KCNQ4: variants seen among roughly 807,000 people sequenced by gnomAD.
KCNQ4 encodes the protein potassium voltage-gated channel subfamily Q member 4.
A neutral mutation model predicts 72.6 loss-of-function variants in KCNQ4; 31 were observed. The ratio of observed to expected loss-of-function variants is 0.43; its 90% confidence interval spans 0.32 to 0.58. The LOEUF is 0.58. Ranked by LOEUF, KCNQ4 falls within the 20% of genes least tolerant of loss-of-function variation. KCNQ4 has a pLI of 0.08. For synonymous variants in KCNQ4, 405 were observed against 403.7 expected (o/e 1.00, Z -0.04); for missense variants, 869 against 962.6 (o/e 0.90, Z 1.29).
chr1:40,784,913 C>T lies in KCNQ4; in HGVS notation c.314+506C>T, dbSNP rs1647187552. Among the ~76,000 whole-genome samples the T allele has an allele frequency of 6.6e-6, 1 of 152,250 alleles. No homozygotes were observed. The highest frequency in any genetic ancestry group is 2.4e-5 in the African/African-American group (1 of 41,470). On this transcript the variant is annotated intron_variant, in intron 1 of 13. Transcript: ENST00000347132. The surrounding 1 kb of genome is among the most constrained non-coding windows in gnomAD (Gnocchi z 4.1). The stretch of plus-strand genomic sequence containing the variant: ...GGCGGCCCTCATTCCTACCCCTGCC[C>T]AGCTGACTGTGGGTGTGTGGGGGTC...
chr1:40,797,130 G>A (rs1406409480), intron 1 of KCNQ4, among the ~76,000 whole-genome samples: 2 of 152,234 alleles, frequency 1.3e-5, no homozygotes, highest in Non-Finnish European at 1.5e-5. Flanking sequence ...ACCTTCCTCT[G>A]CTCCCTGGGG....
At chr1:40,806,628 T>A (rs887081917) in intron 1 of KCNQ4, among the ~76,000 whole-genome samples, 1 of 152,136 alleles carries the variant, frequency 6.6e-6, no homozygotes, top group African/African-American at 2.4e-5. Flanking sequence ...CTGGCTTCTG[T>A]ACTATTACAT....
In KCNQ4 at chr1:40,799,338, T is replaced by C. The variant is rs542289137; in HGVS notation, c.314+14931T>C. ...TGGGGCAAAGTTGAGGGAAGATGAT[T>C]GGGGTGCAGAGCAGGAGTGTTTGGG... On this transcript the variant is annotated intron_variant, in intron 1 of 13. Transcript: ENST00000347132. Among the ~76,000 whole-genome samples, 38 of 152,246 alleles carry C rather than the reference T, an allele frequency of 2.5e-4. No individual in the cohort carries two copies. In the South Asian group the frequency reaches 7.0e-3, roughly 28 times the overall value.
rs570626561 is a variant in KCNQ4, at chr1:40,838,292, A to G, written c.1876-19A>G. 4.6e-5 allele frequency: 74 copies of G among 1,606,574 alleles called. 1 individual carries two copies. The highest frequency in any genetic ancestry group is 1.3e-4 in the South Asian group (12 of 90,908). On this transcript the variant is annotated intron_variant, in intron 13 of 13. Transcript: ENST00000347132. ...CCTCCGGTCCCAGGCCCTGCTTCCC[A>G]GCTGCGCCCCGTCCCCAGGTGCAGT...
At chr1:40,814,704 A>AG (rs11401825) in intron 1 of KCNQ4, among the ~76,000 whole-genome samples, 12,667 of 122,320 alleles carry the variant, frequency 0.1, 673 homozygotes, top group East Asian at 0.27. Context: ...ACCCTGTCTC[A>AG]AAAAAAAACA....
chr1:40,835,204 C>A, intron 12 of KCNQ4, 106 bp downstream of exon 12: 1 of 1,423,788 alleles, frequency 7.0e-7, no homozygotes, highest in Non-Finnish European at 9.5e-7. Flanking sequence ...CTCACTGCTG[C>A]AGCTGAGTTT....
chr1:40,818,451 C>T, intron 3 of KCNQ4, 54 bp from the exon 4 acceptor site: 1 of 1,595,576 alleles, frequency 6.3e-7, no homozygotes. Flanking sequence ...TCCCCGCCTC[C>T]GGGTCCGTGC....
At chr1:40,803,856 A>T (rs1362960945) in intron 1 of KCNQ4, among the ~76,000 whole-genome samples, 8 of 152,098 alleles carry the variant, frequency 5.3e-5, no homozygotes, top group Non-Finnish European at 7.4e-5. Context: ...TGTGTCCCCA[A>T]ACCACCCACT....
intron 9 of KCNQ4, among the ~76,000 whole-genome samples, chr1:40,828,967 T>G (rs1648560408): frequency 2.6e-5 from 4 of 152,192 alleles, no homozygotes; most frequent in African/African-American, 7.2e-5. Context: ...CATCACAGAA[T>G]CAGAGCTGGA....
chr1:40,809,931 G>A (rs1289850646), intron 1 of KCNQ4, among the ~76,000 whole-genome samples: 1 of 152,032 alleles, frequency 6.6e-6, no homozygotes, highest in South Asian at 2.1e-4. Flanking sequence ...CGGGCGTGGT[G>A]GTAGGCACCT....
At position 40,820,070 on chromosome 1, in the gene KCNQ4, G is replaced by A. The variant is rs954289333; in HGVS notation, c.945+85G>A. Reference sequence around the variant, plus strand: ...TCACACATTTGCCTGGGGAGCCTGGGGTACCTCAGAGGGGCAAGGATGGGG... The same window carrying A: ...TCACACATTTGCCTGGGGAGCCTGGAGTACCTCAGAGGGGCAAGGATGGGG... On this transcript the variant is annotated intron_variant, in intron 6 of 13. Coordinates refer to ENST00000347132, the MANE Select transcript of KCNQ4 (RefSeq NM_004700.4). The A allele has an allele frequency of 5.2e-6, 8 of 1,533,838 alleles. No individual in the cohort carries two copies. The African/African-American group carries it at 9.5e-5, about 18-fold the overall frequency.
chr1:40,814,198 C>T (rs1434608103), intron 1 of KCNQ4, among the ~76,000 whole-genome samples: 2 of 151,720 alleles, frequency 1.3e-5, no homozygotes, highest in South Asian at 2.1e-4. Context: ...GGATTACAGG[C>T]GCCTACCAAC....
At chr1:40,819,037 G>T in intron 4 of KCNQ4, 1 of 554,164 alleles carries the variant, frequency 1.8e-6, no homozygotes, top group South Asian at 2.0e-5. Flanking sequence ...TGGGCCCCAG[G>T]TGGAAGCCTG....
At chr1:40,828,886 A>G (rs948864025) in intron 9 of KCNQ4, among the ~76,000 whole-genome samples, 3 of 152,262 alleles carry the variant, frequency 2.0e-5, no homozygotes, top group African/African-American at 7.2e-5. Flanking sequence ...TTGCATTAAA[A>G]AGGAGCTCAG....
At chr1:40,834,815 G>T (rs1648762075) in intron 11 of KCNQ4, 152 bp from the exon 12 acceptor site, 5 of 962,442 alleles carry the variant, frequency 5.2e-6, no homozygotes, top group Non-Finnish European at 8.0e-6. Context: ...TTGGAGGTAG[G>T]GGAGGCTGGG....
At position 40,819,605 on chromosome 1, in the gene KCNQ4, C is replaced by T; in HGVS notation, c.834+133C>T. ...CTGCCCTCTCACTAGAGCTGGGACC[C>T]CCCTGAGACCAGCCCCAATGCTAAC... On this transcript the variant is annotated intron_variant, in intron 5 of 13. Coordinates refer to ENST00000347132, the MANE Select transcript of KCNQ4 (RefSeq NM_004700.4). The T allele has an allele frequency of 8.1e-6, 10 of 1,233,670 alleles. No homozygotes were observed. In the Admixed American group the frequency reaches 1.3e-4, roughly 16 times the overall value. The allele number at this position is 1,233,670 out of a possible 1,614,324, so 76.4% of individuals were successfully genotyped here.
intron 5 of KCNQ4, 79 bp downstream of exon 5, chr1:40,819,551 T>G: frequency 6.3e-7 from 1 of 1,582,658 alleles, no homozygotes; most frequent in Non-Finnish European, 8.6e-7. Context: ...CCATCGTGAC[T>G]CCTGACTCAG....
intron 1 of KCNQ4, among the ~76,000 whole-genome samples, chr1:40,814,708 A>ACAAAACAAAAC (rs58740390): frequency 9.2e-5 from 14 of 151,876 alleles, no homozygotes; most frequent in South Asian, 6.2e-4. Flanking sequence ...TGTCTCAAAA[A>ACAAAACAAAAC]AAAACAAAAC....
Position 40,837,655 on chromosome 1 carries a change from T to C in KCNQ4, c.1746-10T>C. On this transcript the variant is annotated splice_polypyrimidine_tract_variant and intron_variant, in intron 12 of 13. Transcript: ENST00000347132. ...GTCCCCGGGCCCTCTGATGGTTCCCTTACCCTTAGGGTGGACCAAATTGTG... is the reference window on the plus strand; with the variant it reads ...GTCCCCGGGCCCTCTGATGGTTCCCCTACCCTTAGGGTGGACCAAATTGTG... 1 of 1,611,972 alleles carries C rather than the reference T, an allele frequency of 6.2e-7. No homozygotes were observed. Among genetic ancestry groups the C allele is most frequent in the East Asian group, 2.2e-5 (1 of 44,838 alleles).
Sources: gnomAD v4.1 joint callset for allele counts (sites outside exome capture counted in the v4.1 genomes callset) on GRCh38, gnomAD v4.1.1 for gene constraint, Gnocchi (gnomAD v3.1) non-coding constraint, MANE v1.5 for transcripts, NCBI Gene and HGNC (gene_info 2026-07-23, HGNC 2026-07-21) for gene names.